The following CPVL variants were observed in gnomAD, a reference collection of about 807,000 sequenced individuals.
The protein encoded by CPVL is probable serine carboxypeptidase CPVL.
CPVL carries 51 observed loss-of-function variants against 63.7 expected under a neutral mutation model. The observed-to-expected ratio is 0.80, with a 90% confidence interval of 0.64 to 1.01. The LOEUF (loss-of-function observed/expected upper bound fraction) is 1.01, where lower values mean the gene tolerates loss of function less well. CPVL is among the 50% of genes least tolerant of loss of function. CPVL has a pLI of 0.00. For missense variants in CPVL, 530 were observed against 573.1 expected (o/e 0.92, Z 0.77); for synonymous variants, 195 against 206.0 (o/e 0.95, Z 0.46).
At chr7:29,110,083 T>A (rs1044350278) in intron 3 of CPVL, among the ~76,000 whole-genome samples, 1 of 152,228 alleles carries the variant, frequency 6.6e-6, no homozygotes, top group East Asian at 1.9e-4. Flanking sequence ...CTCTCACCCT[T>A]AGTTCCTGTT....
intron 7 of CPVL, among the ~76,000 whole-genome samples, chr7:29,081,189 G>C (rs975320071): frequency 1.3e-5 from 2 of 152,246 alleles, no homozygotes. Flanking sequence ...CAAGAACAAG[G>C]GCAATCTCAC....
At chr7:29,025,125 G>T (rs114222680) in intron 12 of CPVL, among the ~76,000 whole-genome samples, 1 of 152,062 alleles carries the variant, frequency 6.6e-6, no homozygotes, top group Admixed American at 6.6e-5. Context: ...GACATAAACC[G>T]GCTGAACGGA....
intron 3 of CPVL, among the ~76,000 whole-genome samples, chr7:29,103,464 A>T (rs1313581232): frequency 7.1e-6 from 1 of 141,308 alleles, no homozygotes; most frequent in Non-Finnish European, 1.5e-5. Flanking sequence ...CATGTTGGTG[A>T]GGCTGGTCTC....
chr7:29,115,444 A>G (rs1013755711), intron 2 of CPVL, among the ~76,000 whole-genome samples: 1 of 152,092 alleles, frequency 6.6e-6, no homozygotes, highest in Admixed American at 6.5e-5. Context: ...TGTTTGGGGA[A>G]AGTGGTTTTT....
chr7:29,174,227 A>C (rs1728861022), intron 5 of CPVL, among the ~76,000 whole-genome samples: 1 of 152,190 alleles, frequency 6.6e-6, no homozygotes, highest in Non-Finnish European at 1.5e-5. Flanking sequence ...TTAAGCTGTC[A>C]GGAAGAAGCA....
intron 5 of CPVL, among the ~76,000 whole-genome samples, chr7:29,153,158 G>A (rs1351246385): frequency 6.6e-6 from 1 of 152,166 alleles, no homozygotes; most frequent in Non-Finnish European, 1.5e-5. Context: ...AGGTAAGAGG[G>A]TATATTTCAT....
At chr7:29,133,193 CAAA>C (rs1333159770) in intron 1 of CPVL, among the ~76,000 whole-genome samples, 1 of 90,690 alleles carries the variant, frequency 1.1e-5, no homozygotes, top group African/African-American at 4.3e-5. Flanking sequence ...TTTCTGAAGG[CAAA>C]AAAAAAAAAA....
chr7:29,048,910 C>CTGTTCCTGAA (rs61197852), intron 11 of CPVL, among the ~76,000 whole-genome samples: 1 of 151,474 alleles, frequency 6.6e-6, no homozygotes. Context: ...ATTAAATAAC[C>CTGTTCCTGAA]TGATCATTGG....
chr7:29,109,315 C>G (rs149569147), intron 3 of CPVL, among the ~76,000 whole-genome samples: 3 of 152,174 alleles, frequency 2.0e-5, no homozygotes, highest in African/African-American at 7.2e-5. Context: ...ATTTAAGAAA[C>G]AGCATCCCCC....
chr7:29,004,411 T>TA (rs5883179), intron 12 of CPVL, among the ~76,000 whole-genome samples: 5 of 151,734 alleles, frequency 3.3e-5, no homozygotes, highest in South Asian at 2.1e-4. Context: ...ACGTGTCTAT[T>TA]AAAAAAAAAG....
intron 2 of CPVL, chr7:29,185,709 TC>T (rs914681194): frequency 6.6e-6 from 1 of 152,220 alleles, no homozygotes; most frequent in African/African-American, 2.4e-5. Context: ...CTAAAAGCCT[TC>T]TGAGTGATTC....
chr7:29,100,433 A>T (rs1054453626), intron 3 of CPVL, among the ~76,000 whole-genome samples: 1 of 152,148 alleles, frequency 6.6e-6, no homozygotes, highest in Non-Finnish European at 1.5e-5. Flanking sequence ...AGGCGGCGCC[A>T]AGGGTCTGAA....
chr7:28,999,803 A>G (rs571451790), intron 12 of CPVL, among the ~76,000 whole-genome samples: 1 of 152,342 alleles, frequency 6.6e-6, no homozygotes, highest in African/African-American at 2.4e-5. Context: ...ATTCCCAAAC[A>G]AAGCATATTC....
Position 29,086,634 on chromosome 7 carries a change from C to G in CPVL, c.543-84G>C, listed in dbSNP as rs537473546. 1.0e-4 allele frequency: 103 copies of G among 1,014,022 alleles called. 1 individual carries two copies. In the South Asian group the frequency reaches 1.3e-3, roughly 13 times the overall value. The allele number at this position is 1,014,022 out of a possible 1,614,324, so 62.8% of individuals were successfully genotyped here. A position where few individuals can be genotyped will look rare whatever the true frequency, so the allele number is the denominator to read the frequency against. On this transcript the variant is annotated intron_variant, in intron 6 of 12. Transcript: ENST00000265394. Reference sequence around the variant, plus strand: ...TCATGCTAGGATATCAAATCTAACTCTTTGGCAATAGGTTTCACACTTGAA... The same window carrying G: ...TCATGCTAGGATATCAAATCTAACTGTTTGGCAATAGGTTTCACACTTGAA...
intron 12 of CPVL, among the ~76,000 whole-genome samples, chr7:29,018,862 G>A (rs1024967649): frequency 2.0e-5 from 3 of 152,204 alleles, no homozygotes; most frequent in African/African-American, 7.2e-5. Flanking sequence ...GCCATGGGTT[G>A]TCAACAGACA....
At chr7:29,035,672 G>A (rs777206291) in intron 11 of CPVL, among the ~76,000 whole-genome samples, 7 of 152,160 alleles carry the variant, frequency 4.6e-5, no homozygotes, top group Non-Finnish European at 8.8e-5. Flanking sequence ...ACAGTGCCTG[G>A]TACCCCATAA....
intron 7 of CPVL, among the ~76,000 whole-genome samples, chr7:29,077,041 G>A (rs73684552): frequency 0.11 from 16,548 of 152,160 alleles, 3,001 homozygotes; most frequent in African/African-American, 0.38. Flanking sequence ...TGTCTTTTGC[G>A]TGAATCTCTC....
chr7:28,995,713 T>G lies in CPVL; in HGVS notation c.*59A>C. On this transcript the variant is annotated 3_prime_UTR_variant, in exon 13 of 13. Coordinates refer to ENST00000265394, the MANE Select transcript of CPVL (RefSeq NM_031311.5). ...TTTTTTATTCCTATGACATTTTCTG[T>G]TTTTACGATTTTCTTTTCAGCAATG... 9.9e-7 allele frequency: 1 copy of G among 1,013,174 alleles called. No individual in the cohort carries two copies. The highest frequency in any genetic ancestry group is 1.5e-5 in the South Asian group (1 of 68,046). The allele number at this position is 1,013,174 out of a possible 1,614,324, so 62.8% of individuals were successfully genotyped here.
intron 12 of CPVL, among the ~76,000 whole-genome samples, chr7:29,019,526 C>T (rs1002951329): frequency 6.6e-6 from 1 of 152,148 alleles, no homozygotes; most frequent in Non-Finnish European, 1.5e-5. Context: ...TTTAAGTGGA[C>T]ATTTTAGGTA....
Sources: gnomAD v4.1 joint callset for allele counts (sites outside exome capture counted in the v4.1 genomes callset) on GRCh38, gnomAD v4.1.1 for gene constraint, MANE v1.5 for transcripts, NCBI Gene and HGNC (gene_info 2026-07-23, HGNC 2026-07-21) for gene names.